Variants in RBM12 observed in about 807,000 individuals in gnomAD.
RBM12 encodes RNA-binding protein 12.
RBM12 carries 24 observed loss-of-function variants against 37.2 expected under a neutral mutation model. That is an observed-to-expected ratio of 0.65 (90% CI 0.47 to 0.91). The LOEUF (loss-of-function observed/expected upper bound fraction) is 0.91. Among genes scored for constraint, RBM12 ranks in the 40% least tolerant of loss-of-function variants. The probability of loss-of-function intolerance (pLI) is 0.00; values close to 1 mark genes in which losing one functional copy is unlikely to be tolerated. For missense variants in RBM12, 1,061 were observed against 1,183.2 expected, an observed-to-expected ratio of 0.90 and a Z score of 1.52; for synonymous variants, 420 against 425.2, an observed-to-expected ratio of 0.99 and a Z score of 0.15.
Position 35,651,703 on chromosome 20 carries a change from A to G in RBM12, c.*821T>C, listed in dbSNP as rs1438139872. 1 of 152,630 alleles carries G rather than the reference A, an allele frequency of 6.6e-6. No homozygotes were observed. Among genetic ancestry groups the G allele is most frequent in the Non-Finnish European group, 1.5e-5 (1 of 68,036 alleles). The allele number at this position is 152,630 out of a possible 1,614,324, so 9.5% of individuals were successfully genotyped here. A position where few individuals can be genotyped will look rare whatever the true frequency, so the allele number is the denominator to read the frequency against. On this transcript the variant is annotated 3_prime_UTR_variant, in exon 3 of 3. Coordinates refer to ENST00000374114, the MANE Select transcript of RBM12 (RefSeq NM_006047.6). ...TGGTTTCTGGTTTTCGATACCATCC[A>G]AACAACATGAACAATTTTTAAACTG...
rs762540593 is a variant in RBM12 at position 35,653,854 on chromosome 20, C to A, written c.1469G>T (p.Arg490Leu). The A allele has an allele frequency of 2.5e-6, 4 of 1,613,888 alleles. No individual in the cohort carries two copies. The highest frequency in any genetic ancestry group is 3.4e-6 in the Non-Finnish European group (4 of 1,180,034). ...GCGATTGCCCATGTACTGTTTATGACGACACAGAGCAGCCTTATAGTCAGC... is the reference window on the plus strand; with the variant it reads ...GCGATTGCCCATGTACTGTTTATGAAGACACAGAGCAGCCTTATAGTCAGC... ...NEADYKAALCRHKQYMGNRFI... is the reference protein window; with the variant it reads ...NEADYKAALCLHKQYMGNRFI... The change falls in exon 3 of 3, where the codon CGT (arginine) becomes CTT (leucine). Residue 490 changes from arginine to leucine, a missense_variant. Coordinates refer to ENST00000374114, the MANE Select transcript of RBM12 (RefSeq NM_006047.6).
Position 35,652,770 on chromosome 20 carries a change from T to C in RBM12, c.2553A>G (p.Gly851=), listed in dbSNP as rs772428795. 1.9e-6 allele frequency: 3 copies of C among 1,612,240 alleles called. No individual in the cohort carries two copies. The highest frequency in any genetic ancestry group is 1.3e-5 in the African/African-American group (1 of 74,822). ...CTTTAATTACTGTCGGTCCTGGTTT[T>C]CCAGAACTAGATGCAAAGCCAGGGG... ...GGPPGFASSS[G]KPGPTVIKVQ... is the part of the protein sequence containing the mutation. The change falls in exon 3 of 3, where the codon GGA becomes GGG. Residue 851 remains glycine (G), a synonymous_variant. Transcript: ENST00000374114.
intron 1 of RBM12, 77 bp downstream of exon 1, chr20:35,664,683 A>AGGCCCCGCCCCGGGCCACCAAGG (rs2034443707): frequency 2.0e-5 from 3 of 152,386 alleles, no homozygotes; most frequent in Non-Finnish European, 4.4e-5. Flanking sequence ...AGGCCTCCGA[A>AGGCCCCGCCCCGGGCCACCAAGG]GGCCCCGCCC....
In RBM12 at chr20:35,655,179, G is replaced by A; in HGVS notation, c.144C>T (p.Ala48=). ...GELGEAFIVF[A]TDEDARLGMM... ...TACCAAGCCTTGCATCTTCATCAGTGGCAAAAACGATGAAAGCCTCACCCA... is the reference window on the plus strand; with the variant it reads ...TACCAAGCCTTGCATCTTCATCAGTAGCAAAAACGATGAAAGCCTCACCCA... The change falls in exon 3 of 3, where the codon GCC becomes GCT. Residue 48 remains alanine (A), a synonymous_variant. Coordinates refer to ENST00000374114, the MANE Select transcript of RBM12 (RefSeq NM_006047.6). 1 of 1,614,094 alleles carries A rather than the reference G, an allele frequency of 6.2e-7. No homozygotes were observed. Among genetic ancestry groups the A allele is most frequent in the Non-Finnish European group, 8.5e-7 (1 of 1,180,020 alleles).
intron 2 of RBM12, among the ~76,000 whole-genome samples, chr20:35,656,055 C>A (rs2033880904): frequency 6.6e-6 from 1 of 152,124 alleles, no homozygotes; most frequent in African/African-American, 2.4e-5. Flanking sequence ...AATAGGACAG[C>A]TAAAATCTGA....
Position 35,652,542 on chromosome 20 carries a change from T to C in RBM12, c.2781A>G (p.Val927=). ...LNDRPIGSRK[V]KLVLG ...TGAATGGCTACCCTAATACAAGTTT[T>C]ACTTTTCTTGAACCTATAGGCCTGT... Residue 927 remains valine, a synonymous_variant, in exon 3 of 3, where the codon GTA becomes GTG. Transcript: ENST00000374114. 1.2e-6 allele frequency: 2 copies of C among 1,611,036 alleles called. No homozygotes were observed. The highest frequency in any genetic ancestry group is 1.1e-5 in the South Asian group (1 of 90,634).
In RBM12 at chr20:35,651,995, A is replaced by C. The variant is rs998486580; in HGVS notation, c.*529T>G. 1.3e-5 allele frequency: 2 copies of C among 152,726 alleles called. No individual in the cohort carries two copies. The highest frequency in any genetic ancestry group is 4.8e-5 in the African/African-American group (2 of 41,470). The allele number at this position is 152,726 out of a possible 1,614,324, so 9.5% of individuals were successfully genotyped here. On this transcript the variant is annotated 3_prime_UTR_variant, in exon 3 of 3. Transcript: ENST00000374114. The stretch of plus-strand genomic sequence containing the variant: ...GACTGTCTATACAGCAAGGACCCTT[A>C]AGAAGCAATAAAGGTACATACAATG...
rs2033357950 is a variant in RBM12 at position 35,649,597 on chromosome 20, T to C, written c.*2927A>G. ...TTTTTTAAAAAGCCACTAATAATAATTGTACATCCAAACTACTGTGTAAAC... is the reference window on the plus strand; with the variant it reads ...TTTTTTAAAAAGCCACTAATAATAACTGTACATCCAAACTACTGTGTAAAC... On this transcript the variant is annotated 3_prime_UTR_variant, in exon 3 of 3. Transcript: ENST00000374114. 1 of 152,636 alleles carries C rather than the reference T, an allele frequency of 6.6e-6. No homozygotes were observed. The highest frequency in any genetic ancestry group is 1.5e-5 in the Non-Finnish European group (1 of 68,034). 9.5% of individuals were successfully genotyped at this position (152,636 alleles called of 1,614,324 possible).
intron 2 of RBM12, among the ~76,000 whole-genome samples, chr20:35,656,767 A>C (rs190666714): frequency 6.8e-6 from 1 of 147,436 alleles, no homozygotes; most frequent in Non-Finnish European, 1.5e-5. Flanking sequence ...TCAGTCTTCC[A>C]AAGTGCTGGG....
In RBM12 at chr20:35,653,535, A is replaced by G. The variant is rs1344821028; in HGVS notation, c.1788T>C (p.Asp596=). 1.2e-6 allele frequency: 2 copies of G among 1,614,108 alleles called. No homozygotes were observed. Among genetic ancestry groups the G allele is most frequent in the South Asian group, 1.1e-5 (1 of 91,092 alleles). ...GTAAGCGTTCAGACTTACGTGCATC[A>G]TCTTCATTTTTAAACTGAACCAATG... ...GQALVQFKNE[D]DARKSERLHR... is the part of the protein sequence containing the mutation. Residue 596 remains aspartate (D), a synonymous_variant, in exon 3 of 3, where the codon GAT becomes GAC. Coordinates refer to ENST00000374114, the MANE Select transcript of RBM12 (RefSeq NM_006047.6).
At chr20:35,656,906 A>C (rs1461531992) in intron 2 of RBM12, among the ~76,000 whole-genome samples, 1 of 148,934 alleles carries the variant, frequency 6.7e-6, no homozygotes, top group African/African-American at 2.4e-5. Context: ...CTTCTCAAGA[A>C]TATTAGAAGG....
chr20:35,652,506 A>G lies in RBM12; in HGVS notation c.*18T>C. 6.3e-7 allele frequency: 1 copy of G among 1,597,506 alleles called. No homozygotes were observed. Among genetic ancestry groups the G allele is most frequent in the Non-Finnish European group, 8.5e-7 (1 of 1,173,000 alleles). On this transcript the variant is annotated 3_prime_UTR_variant, in exon 3 of 3. Transcript: ENST00000374114. ...ACAGCAATATGAAGATCTACCCTAT[A>G]AAAAATGATGTGAATGGCTACCCTA...
intron 1 of RBM12, among the ~76,000 whole-genome samples, chr20:35,662,124 A>G (rs1479874189): frequency 3.3e-5 from 5 of 152,226 alleles, no homozygotes; most frequent in Admixed American, 6.5e-5. Flanking sequence ...TGTACTTTTT[A>G]TAACGCATTA....
intron 2 of RBM12, among the ~76,000 whole-genome samples, chr20:35,656,406 G>C (rs1212493722): frequency 2.6e-5 from 4 of 152,156 alleles, no homozygotes; most frequent in African/African-American, 9.7e-5. Context: ...GCTTCTAAGA[G>C]CAAATTCAAG....
At position 35,652,459 on chromosome 20, in the gene RBM12, A is replaced by G; in HGVS notation, c.*65T>C. ...AGGTTCTAACCTGGAAATACTAGGA[A>G]AACAATCTGGATGCATTAATCACAG... On this transcript the variant is annotated 3_prime_UTR_variant, in exon 3 of 3. Coordinates refer to ENST00000374114, the MANE Select transcript of RBM12 (RefSeq NM_006047.6). 1.3e-6 allele frequency: 2 copies of G among 1,515,088 alleles called. No individual in the cohort carries two copies. The highest frequency in any genetic ancestry group is 1.8e-6 in the Non-Finnish European group (2 of 1,126,676). 93.9% of individuals were successfully genotyped at this position (1,515,088 alleles called of 1,614,324 possible).
intron 1 of RBM12, among the ~76,000 whole-genome samples, chr20:35,663,972 G>A (rs1441897912): frequency 6.6e-6 from 1 of 152,182 alleles, no homozygotes; most frequent in East Asian, 1.9e-4. Context: ...TCTCCCGAGG[G>A]AGCCGTAAAT....
Position 35,651,394 on chromosome 20 carries a change from C to G in RBM12, c.*1130G>C, listed in dbSNP as rs2033505247. The G allele has an allele frequency of 6.6e-6, 1 of 152,180 alleles. No individual in the cohort carries two copies. Among genetic ancestry groups the G allele is most frequent in the Admixed American group, 6.5e-5 (1 of 15,278 alleles). 9.4% of individuals were successfully genotyped at this position (152,180 alleles called of 1,614,324 possible). A position where few individuals can be genotyped will look rare whatever the true frequency, so the allele number is the denominator to read the frequency against. On this transcript the variant is annotated 3_prime_UTR_variant, in exon 3 of 3. Transcript: ENST00000374114. ...ACTCTGTATGAAGACTTTTAGTAAA[C>G]AGGCTCCTGATCGAACAACTATGCC...
rs2033375867 is a variant in RBM12 at position 35,649,791 on chromosome 20, A to T, written c.*2733T>A. ...AAAATCAGAAGGGAGAGGAAAAAAA[A>T]TTAAATCTAATGGAAAATATTCTCT... On this transcript the variant is annotated 3_prime_UTR_variant, in exon 3 of 3. Coordinates refer to ENST00000374114, the MANE Select transcript of RBM12 (RefSeq NM_006047.6). 6.6e-6 allele frequency: 1 copy of T among 152,354 alleles called. No homozygotes were observed. Among genetic ancestry groups the T allele is most frequent in the African/African-American group, 2.4e-5 (1 of 41,454 alleles). The allele number at this position is 152,354 out of a possible 1,614,324, so 9.4% of individuals were successfully genotyped here.
intron 1 of RBM12, among the ~76,000 whole-genome samples, chr20:35,663,621 C>T (rs1288887279): frequency 2.0e-5 from 3 of 152,154 alleles, no homozygotes; most frequent in African/African-American, 7.2e-5. Context: ...CCAGAAATCT[C>T]TTAAAGTCTG....
Sources: allele counts gnomAD v4.1 joint callset (sites outside exome capture counted in the v4.1 genomes callset), GRCh38; gene constraint gnomAD v4.1.1; transcripts MANE v1.5; gene names NCBI Gene and HGNC (gene_info 2026-07-23, HGNC 2026-07-21).